Variants in OPRM1 observed in about 807,000 individuals in gnomAD.
OPRM1 encodes the protein mu-type opioid receptor.
Under a neutral mutation model 31.8 loss-of-function variants are expected in OPRM1, and 27 were observed. The ratio of observed to expected loss-of-function variants is 0.85; its 90% CI spans 0.63 to 1.17. The LOEUF (loss-of-function observed/expected upper bound fraction) is 1.17, where lower values mean the gene tolerates loss of function less well. OPRM1 is among the 50% of genes most tolerant of loss of function. OPRM1 has a pLI of 0.00. For missense variants in OPRM1, 536 were observed against 511.1 expected, an observed-to-expected ratio of 1.05 and a Z score of -0.47; for synonymous variants, 196 against 189.9, an observed-to-expected ratio of 1.03 and a Z score of -0.26.
rs1199624115 is a variant in OPRM1, at chr6:154,118,752, A to G, written c.*31A>G. 2 of 1,611,996 alleles carry G rather than the reference A, an allele frequency of 1.2e-6. No individual in the cohort carries two copies. Among genetic ancestry groups the G allele is most frequent in the South Asian group, 2.2e-5 (2 of 90,858 alleles). On this transcript the variant is annotated 3_prime_UTR_variant, in exon 4 of 4. Coordinates refer to ENST00000330432, the MANE Select transcript of OPRM1 (RefSeq NM_000914.5). ...TCTCATGCCATTCCGACCTTCACCA[A>G]GCTTAGAAGCCACCATGTATGTGGA...
intron 3 of OPRM1, among the ~76,000 whole-genome samples, chr6:154,098,185 G>A (rs890051279): frequency 6.6e-6 from 1 of 152,168 alleles, no homozygotes; most frequent in African/African-American, 2.4e-5. Flanking sequence ...ATATATTCCA[G>A]TCTATTTTTC....
intron 3 of OPRM1, among the ~76,000 whole-genome samples, chr6:154,095,376 G>A (rs1467169553): frequency 2.0e-5 from 3 of 152,146 alleles, no homozygotes; most frequent in African/African-American, 7.2e-5. Flanking sequence ...AATGATGAGA[G>A]GGCTGAGGAT....
Position 154,093,587 on chromosome 6 carries a change from G to C in OPRM1, c.1164+2115G>C, listed in dbSNP as rs79758199. On this transcript the variant is annotated intron_variant, in intron 3 of 3. Transcript: ENST00000330432. Reference sequence around the variant, plus strand: ...GAGTTCTGTTCCAAGTAACTAAAAGGTTTGCTTTAAAAATACATCCAATTA... The same window carrying C: ...GAGTTCTGTTCCAAGTAACTAAAAGCTTTGCTTTAAAAATACATCCAATTA... 1.6e-5 allele frequency: 23 copies of C among 1,481,548 alleles called. No individual in the cohort carries two copies. The Admixed American group carries it at 5.1e-4, about 33-fold the overall frequency. 91.8% of individuals were successfully genotyped at this position (1,481,548 alleles called of 1,614,324 possible).
intron 3 of OPRM1, among the ~76,000 whole-genome samples, chr6:154,191,842 G>A (rs1477395590): frequency 6.6e-6 from 1 of 152,074 alleles, no homozygotes; most frequent in Non-Finnish European, 1.5e-5. Flanking sequence ...GGAATGGAGG[G>A]GGTATATGTA....
downstream of OPRM1, among the ~76,000 whole-genome samples, chr6:154,135,087 T>C (rs1798022463): frequency 6.6e-6 from 1 of 152,252 alleles, no homozygotes; most frequent in African/African-American, 2.4e-5. Context: ...ATTTCTTTTT[T>C]GCCATGTGTA....
chr6:154,191,454 A>C (rs866832769), intron 3 of OPRM1, among the ~76,000 whole-genome samples: 1 of 152,256 alleles, frequency 6.6e-6, no homozygotes, highest in Middle Eastern at 3.4e-3. Context: ...CAGGTGGATC[A>C]CCTGAGGTCA....
intron 1 of OPRM1, among the ~76,000 whole-genome samples, chr6:154,081,201 T>C (rs1789033543): frequency 2.0e-5 from 3 of 152,148 alleles, no homozygotes; most frequent in East Asian, 1.9e-4. Context: ...AAACCATGGA[T>C]TGTAAGAAAA....
rs1797700621 is a variant in OPRM1 at position 154,128,255 on chromosome 6, C to G, written c.*9534C>G. 6.6e-6 allele frequency among the ~76,000 whole-genome samples: 1 copy of G among 152,186 alleles called. No homozygotes were observed. Among genetic ancestry groups the G allele is most frequent in the Non-Finnish European group, 1.5e-5 (1 of 68,022 alleles). On this transcript the variant is annotated 3_prime_UTR_variant, in exon 4 of 4. Transcript: ENST00000330432. ...GTGATTTGTGTGTTTTCTTAATAAA[C>G]TTTACCCACTTATTAAAAGAATAAA...
Position 154,171,463 on chromosome 6 carries a change from G to A in OPRM1, c.1165-75230G>A, listed in dbSNP as rs181810877. Among the ~76,000 whole-genome samples, 10 of 152,082 alleles carry A rather than the reference G, an allele frequency of 6.6e-5. No homozygotes were observed. In the East Asian group the frequency reaches 1.7e-3, roughly 26 times the overall value. ...CAGAATAATAATTGCCTGGGGTCTG[G>A]GAGGGGACAAGCAGGAGTGGAGAAT... On this transcript the variant is annotated intron_variant, in intron 3 of 3. Transcript: ENST00000337049.
intron 3 of OPRM1, chr6:154,094,213 A>G (rs1419099874): frequency 1.6e-6 from 2 of 1,285,886 alleles, no homozygotes; most frequent in Non-Finnish European, 2.0e-6. Flanking sequence ...TCTGCAGATC[A>G]GAGATCCAAT....
At chr6:154,240,324 T>C (rs73567185) in intron 3 of OPRM1, among the ~76,000 whole-genome samples, 2,763 of 152,266 alleles carry the variant, frequency 0.018, 94 homozygotes, top group African/African-American at 0.063. Flanking sequence ...CTGCTTATGT[T>C]GTAGCTGGGG....
At chr6:154,104,597 G>A (rs187753985) in intron 3 of OPRM1, among the ~76,000 whole-genome samples, 1 of 152,312 alleles carries the variant, frequency 6.6e-6, no homozygotes, top group African/African-American at 2.4e-5. Flanking sequence ...AACAACTAAT[G>A]AGACTAGAAT....
chr6:154,174,075 C>T (rs1482214639), intron 3 of OPRM1, among the ~76,000 whole-genome samples: 1 of 152,114 alleles, frequency 6.6e-6, no homozygotes, highest in Non-Finnish European at 1.5e-5. Flanking sequence ...CCAAACTAAG[C>T]TTCATAAGTG....
chr6:154,218,350 C>G (rs1339551840), intron 3 of OPRM1, among the ~76,000 whole-genome samples: 1 of 152,220 alleles, frequency 6.6e-6, no homozygotes, highest in Non-Finnish European at 1.5e-5. Flanking sequence ...CCCTTAATTA[C>G]TTACCCCTGT....
At chr6:154,087,450 C>T in intron 1 of OPRM1, 1 of 985,454 alleles carries the variant, frequency 1.0e-6, no homozygotes, top group Non-Finnish European at 1.2e-6. Flanking sequence ...CCGTGTAAAT[C>T]AGAAGCCCAA....
intron 3 of OPRM1, chr6:154,156,718 G>C (rs556003187): frequency 6.6e-6 from 1 of 152,086 alleles, no homozygotes; most frequent in Non-Finnish European, 1.5e-5. Flanking sequence ...TCTGAGATTT[G>C]AGCTGTTGTG....
intron 1 of OPRM1, among the ~76,000 whole-genome samples, chr6:154,086,187 G>A (rs1790516906): frequency 6.6e-6 from 1 of 152,020 alleles, no homozygotes; most frequent in Admixed American, 6.6e-5. Flanking sequence ...AAAGCCTTTG[G>A]GTATATGCTG....
At chr6:154,065,051 T>C (rs1163322019) in intron 1 of OPRM1, among the ~76,000 whole-genome samples, 2 of 152,204 alleles carry the variant, frequency 1.3e-5, no homozygotes, top group Non-Finnish European at 2.9e-5. Context: ...TGGTAAAGAT[T>C]GCATTGAATC....
chr6:154,187,050 ACT>A (rs1801434884), intron 3 of OPRM1, among the ~76,000 whole-genome samples: 1 of 150,736 alleles, frequency 6.6e-6, no homozygotes, highest in Non-Finnish European at 1.5e-5. Flanking sequence ...CACACTCCAC[ACT>A]CTGTCTTCCT....
Sources: gnomAD v4.1 joint callset for allele counts (sites outside exome capture counted in the v4.1 genomes callset) on GRCh38, gnomAD v4.1.1 for gene constraint, MANE v1.5 for transcripts, NCBI Gene and HGNC (gene_info 2026-07-23, HGNC 2026-07-21) for gene names.